GRIK1: variants seen among roughly 807,000 people sequenced by gnomAD.
GRIK1 encodes the protein glutamate receptor ionotropic, kainate 1.
Under a neutral mutation model 105.7 loss-of-function variants are expected in GRIK1, and 69 were observed. The ratio of observed to expected loss-of-function variants is 0.65; its 90% CI spans 0.54 to 0.80. The LOEUF (loss-of-function observed/expected upper bound fraction) is 0.80, where lower values mean the gene tolerates loss of function less well. GRIK1 is among the 30% of genes least tolerant of loss of function. GRIK1 has a pLI of 0.00. For missense variants in GRIK1, 1,109 were observed against 1,167.3 expected (o/e 0.95, Z 0.73); for synonymous variants, 438 against 431.3 (o/e 1.02, Z -0.19).
chr21:29,876,224 G>A (rs1437671717), intron 1 of GRIK1, among the ~76,000 whole-genome samples: 4 of 151,156 alleles, frequency 2.6e-5, no homozygotes, highest in Non-Finnish European at 5.9e-5. Context: ...TAAAAATATT[G>A]TTAATAATAC....
intron 7 of GRIK1, among the ~76,000 whole-genome samples, chr21:29,628,308 G>T (rs1244540196): frequency 6.6e-5 from 10 of 152,140 alleles, no homozygotes; most frequent in Non-Finnish European, 1.0e-4. Context: ...GCTATTTCAG[G>T]AACTGAAATG....
intron 16 of GRIK1, among the ~76,000 whole-genome samples, chr21:29,548,180 G>A (rs2090076293): frequency 6.6e-6 from 1 of 152,254 alleles, no homozygotes; most frequent in South Asian, 2.1e-4. Context: ...TTGCAACATG[G>A]ACACACATTG....
intron 1 of GRIK1, among the ~76,000 whole-genome samples, 200 bp downstream of exon 1, chr21:29,939,183 G>T (rs1169742327): frequency 6.6e-6 from 1 of 152,110 alleles, no homozygotes; most frequent in East Asian, 1.9e-4. Flanking sequence ...TGTACCTCCC[G>T]GGGAAGGCCG....
chr21:29,576,476 T>C (rs938605951), intron 14 of GRIK1, among the ~76,000 whole-genome samples: 2 of 152,188 alleles, frequency 1.3e-5, no homozygotes, highest in African/African-American at 2.4e-5. Flanking sequence ...TGTTCTTAAT[T>C]CTCTAACTAA....
intron 4 of GRIK1, 61 bp downstream of exon 4, chr21:29,672,922 T>C (rs2063186361): frequency 7.8e-7 from 1 of 1,275,502 alleles, no homozygotes; most frequent in South Asian, 1.4e-5. Flanking sequence ...CTAGATGGCA[T>C]TTTTGAAAAA....
intron 3 of GRIK1, among the ~76,000 whole-genome samples, chr21:29,685,427 C>T (rs1411337202): frequency 2.0e-5 from 3 of 151,778 alleles, no homozygotes; most frequent in African/African-American, 7.3e-5. Flanking sequence ...AAAATAAAAG[C>T]TAAGCAGAAT....
At chr21:29,789,831 G>A (rs1484114312) in intron 1 of GRIK1, among the ~76,000 whole-genome samples, 1 of 152,156 alleles carries the variant, frequency 6.6e-6, no homozygotes, top group Non-Finnish European at 1.5e-5. Flanking sequence ...AACAAGAAAG[G>A]TAATGGGGAA....
intron 4 of GRIK1, among the ~76,000 whole-genome samples, chr21:29,658,681 C>T (rs1213413256): frequency 6.6e-6 from 1 of 152,178 alleles, no homozygotes; most frequent in Non-Finnish European, 1.5e-5. Flanking sequence ...CTAAAATAGG[C>T]AGGGTGTGGA....
intron 1 of GRIK1, among the ~76,000 whole-genome samples, chr21:29,746,543 A>G (rs2065053158): frequency 6.6e-6 from 1 of 152,096 alleles, no homozygotes; most frequent in Non-Finnish European, 1.5e-5. Flanking sequence ...ACACTAACAC[A>G]TGTATTGATA....
intron 1 of GRIK1, among the ~76,000 whole-genome samples, chr21:29,810,705 A>T (rs2832444): frequency 0.37 from 56,837 of 152,048 alleles, 11,627 homozygotes; most frequent in South Asian, 0.52. Flanking sequence ...GCATTGGTGT[A>T]ATAGGAGAGC....
chr21:29,913,502 A>AT (rs1272180385), intron 1 of GRIK1, among the ~76,000 whole-genome samples: 2 of 151,962 alleles, frequency 1.3e-5, no homozygotes, highest in Non-Finnish European at 2.9e-5. Context: ...TCTAATAACC[A>AT]TTTTTAATAT....
At chr21:29,929,409 T>C (rs181017646) in intron 1 of GRIK1, among the ~76,000 whole-genome samples, 74 of 152,302 alleles carry the variant, frequency 4.9e-4, no homozygotes, top group Non-Finnish European at 6.6e-4. Context: ...AATTCTACCA[T>C]CTTAACAAAA....
At chr21:29,570,830 A>G (rs1009204041) in intron 14 of GRIK1, among the ~76,000 whole-genome samples, 5 of 131,222 alleles carry the variant, frequency 3.8e-5, no homozygotes, top group Admixed American at 8.9e-5. Context: ...TGAGTGATCG[A>G]AACTTAGAGT....
At chr21:29,880,435 C>CGAT (rs1286028266) in intron 1 of GRIK1, among the ~76,000 whole-genome samples, 1 of 152,078 alleles carries the variant, frequency 6.6e-6, no homozygotes, top group Non-Finnish European at 1.5e-5. Context: ...TACATTCATC[C>CGAT]TCTCTCTTCC....
chr21:29,633,123 C>T (rs2062318036), intron 7 of GRIK1, among the ~76,000 whole-genome samples: 1 of 152,176 alleles, frequency 6.6e-6, no homozygotes, highest in Non-Finnish European at 1.5e-5. Context: ...GCTTTTCCAC[C>T]ATGTGGAAAC....
chr21:29,700,864 C>T (rs1293249365), intron 1 of GRIK1, among the ~76,000 whole-genome samples: 2 of 152,068 alleles, frequency 1.3e-5, no homozygotes, highest in Non-Finnish European at 2.9e-5. Flanking sequence ...TTCATTGTGG[C>T]AGAGAATCCA....
At chr21:29,720,655 T>G (rs1569013367) in intron 1 of GRIK1, among the ~76,000 whole-genome samples, 1 of 152,168 alleles carries the variant, frequency 6.6e-6, no homozygotes, top group African/African-American at 2.4e-5. Flanking sequence ...AGTCACCTCT[T>G]CTACTTCGCC....
chr21:29,671,636 T>C (rs2146639928), intron 4 of GRIK1, among the ~76,000 whole-genome samples: 1 of 152,124 alleles, frequency 6.6e-6, no homozygotes, highest in South Asian at 2.1e-4. Flanking sequence ...TGCGAAGGGG[T>C]TTATCTACTT....
intron 7 of GRIK1, among the ~76,000 whole-genome samples, chr21:29,623,973 G>A (rs950837792): frequency 1.3e-5 from 2 of 152,124 alleles, no homozygotes; most frequent in African/African-American, 2.4e-5. Context: ...TTGGCTGAAC[G>A]TGTTTTTTGT....
Sources: gnomAD v4.1 joint callset for allele counts (sites outside exome capture counted in the v4.1 genomes callset) on GRCh38, gnomAD v4.1.1 for gene constraint, MANE v1.5 for transcripts, NCBI Gene and HGNC (gene_info 2026-07-23, HGNC 2026-07-21) for gene names.